Variants in CDIP1 observed in about 807,000 individuals in gnomAD.
The protein encoded by CDIP1 is cell death-inducing p53-target protein 1.
Under a neutral mutation model 17.7 loss-of-function variants are expected in CDIP1, and 9 were observed. The ratio of observed to expected loss-of-function variants is 0.51; its 90% confidence interval spans 0.31 to 0.89. The LOEUF (loss-of-function observed/expected upper bound fraction) is 0.89, where lower values mean the gene tolerates loss of function less well. CDIP1 is among the 40% of genes least tolerant of loss of function. The pLI is 0.05. For synonymous variants in CDIP1, 117 were observed against 109.5 expected, an observed-to-expected ratio of 1.07 and a Z score of -0.43; for missense variants, 263 against 277.9, an observed-to-expected ratio of 0.95 and a Z score of 0.38.
chr16:4,516,698 C>CTTTTTTTTT (rs767463500), intron 1 of CDIP1, among the ~76,000 whole-genome samples: 12 of 78,056 alleles, frequency 1.5e-4, no homozygotes, highest in Non-Finnish European at 2.0e-4. Context: ...GTTTTAAATC[C>CTTTTTTTTT]TTTTTTTTTT....
intron 1 of CDIP1, among the ~76,000 whole-genome samples, chr16:4,536,188 A>G (rs534882199): frequency 6.6e-6 from 1 of 152,124 alleles, no homozygotes; most frequent in Non-Finnish European, 1.5e-5. Flanking sequence ...ACATGTCCTT[A>G]CCCTTGGAAC....
intron 1 of CDIP1, among the ~76,000 whole-genome samples, chr16:4,532,023 A>G (rs895519337): frequency 7.9e-5 from 12 of 152,216 alleles, no homozygotes; most frequent in Non-Finnish European, 1.8e-4. Flanking sequence ...TAGGCAATTC[A>G]AGGACTTTAG....
In CDIP1 at chr16:4,523,469, G is replaced by A. The variant is rs547152114; in HGVS notation, c.-104-8805C>T. ...GCGGAGGTTGTAGTGAGCCAAGATC[G>A]CGCCACTGCACTCTAACCTGGCGAC... On this transcript the variant is annotated intron_variant, in intron 1 of 5. Coordinates refer to ENST00000567695, the MANE Select transcript of CDIP1 (RefSeq NM_013399.3). Among the ~76,000 whole-genome samples the A allele has an allele frequency of 6.8e-4, 104 of 152,154 alleles. 1 individual carries two copies. Among genetic ancestry groups the A allele is most frequent in the Non-Finnish European group, 1.1e-3 (74 of 67,998 alleles).
chr16:4,524,303 C>T (rs752601940), intron 1 of CDIP1: 1 of 152,292 alleles, frequency 6.6e-6, no homozygotes, highest in East Asian at 1.9e-4. Context: ...CCACATCACA[C>T]TGCAAAGGAA....
intron 1 of CDIP1, among the ~76,000 whole-genome samples, chr16:4,522,013 G>A (rs776241944): frequency 1.3e-5 from 2 of 152,212 alleles, no homozygotes; most frequent in Non-Finnish European, 2.9e-5. Context: ...CTCTGCCATG[G>A]AGTGCCTTCT....
chr16:4,536,803 C>T (rs1052843314), intron 1 of CDIP1: 1 of 146,644 alleles, frequency 6.8e-6, no homozygotes, highest in Non-Finnish European at 1.5e-5. Context: ...ATTAGCCGGG[C>T]ATGGTGGGGC....
chr16:4,512,976 GC>G lies in CDIP1; in HGVS notation c.329del (p.Gly110AlafsTer16). On this transcript the variant is annotated frameshift_variant, in exon 5 of 6. Coordinates refer to ENST00000567695, the MANE Select transcript of CDIP1 (RefSeq NM_013399.3). LOFTEE classifies it high-confidence loss of function. The surrounding 1 kb of genome is among the most constrained non-coding windows in gnomAD (Gnocchi z 4.6). ...AAGGGACCAGGACTGTGGCTGTGTG[GC>G]CCCCAGGGCCAGGGTAGGGCCCTGG... ...YTPGPYPGPG[G>X]HTATVLVPSG... The G allele has an allele frequency of 1.9e-6, 3 of 1,588,584 alleles. No individual in the cohort carries two copies. Among genetic ancestry groups the G allele is most frequent in the Non-Finnish European group, 2.6e-6 (3 of 1,168,742 alleles).
chr16:4,510,676 T>C lies in CDIP1; in HGVS notation c.*1896A>G, dbSNP rs1265720747. On this transcript the variant is annotated 3_prime_UTR_variant, in exon 6 of 6. Transcript: ENST00000567695. ...GTTTTAAAAAAGCACATATTTGTAT[T>C]TAAACAATTCATTCTCTAAAAGAGA... 1 of 152,180 alleles carries C rather than the reference T, an allele frequency of 6.6e-6. No homozygotes were observed. The highest frequency in any genetic ancestry group is 1.5e-5 in the Non-Finnish European group (1 of 68,036). 9.4% of individuals were successfully genotyped at this position (152,180 alleles called of 1,614,324 possible). A position where few individuals can be genotyped will look rare whatever the true frequency, so the allele number is the denominator to read the frequency against.
intron 1 of CDIP1, among the ~76,000 whole-genome samples, chr16:4,517,922 A>G (rs896750231): frequency 8.5e-5 from 13 of 152,170 alleles, no homozygotes; most frequent in African/African-American, 2.7e-4. Flanking sequence ...TTGAGTTGGA[A>G]TAAGTGCCAG....
In CDIP1 at chr16:4,514,174, A is replaced by G. The variant is rs889539802; in HGVS notation, c.-14-30T>C. 3.1e-6 allele frequency: 4 copies of G among 1,291,474 alleles called. No homozygotes were observed. The highest frequency in any genetic ancestry group is 4.2e-6 in the Non-Finnish European group (4 of 942,538). The allele number at this position is 1,291,474 out of a possible 1,614,324, so 80.0% of individuals were successfully genotyped here. On this transcript the variant is annotated intron_variant, in intron 2 of 5. Coordinates refer to ENST00000567695, the MANE Select transcript of CDIP1 (RefSeq NM_013399.3). This position sits in a 1 kb window ranked among gnomAD's most constrained non-coding sequence, Gnocchi z 5.2. The stretch of plus-strand genomic sequence containing the variant: ...ACATGGAGGGAAAACCCAGACATGA[A>G]CTAAGCTCCCAGCCAGGTTCCTTCT...
intron 1 of CDIP1, chr16:4,532,087 C>T (rs994560897): frequency 6.6e-6 from 1 of 152,226 alleles, no homozygotes; most frequent in Non-Finnish European, 1.5e-5. Flanking sequence ...TAGAACCTAA[C>T]CCACTGAATG....
chr16:4,537,709 G>A (rs951867347), intron 1 of CDIP1, among the ~76,000 whole-genome samples: 3 of 152,230 alleles, frequency 2.0e-5, no homozygotes, highest in East Asian at 3.8e-4. Flanking sequence ...TGGGCCCCAG[G>A]AATCTGCCCG....
chr16:4,522,326 C>T (rs2058959338), intron 1 of CDIP1: 1 of 152,342 alleles, frequency 6.6e-6, no homozygotes, highest in African/African-American at 2.4e-5. Flanking sequence ...CACCAATACA[C>T]CCTGGTGGCA....
intron 1 of CDIP1, among the ~76,000 whole-genome samples, chr16:4,529,356 G>T (rs1227527979): frequency 6.6e-6 from 1 of 152,192 alleles, no homozygotes; most frequent in African/African-American, 2.4e-5. Flanking sequence ...TAATAAAAAC[G>T]AGTGATAGAG....
intron 1 of CDIP1, among the ~76,000 whole-genome samples, chr16:4,528,554 C>T (rs540245334): frequency 3.2e-4 from 48 of 152,078 alleles, no homozygotes; most frequent in Non-Finnish European, 6.2e-4. Flanking sequence ...CAGTGGCTCA[C>T]GCCTATAATC....
At chr16:4,524,543 G>T (rs961137341) in intron 1 of CDIP1, among the ~76,000 whole-genome samples, 1 of 152,086 alleles carries the variant, frequency 6.6e-6, no homozygotes, top group Non-Finnish European at 1.5e-5. Context: ...AGGCATTCAG[G>T]GCAAGCCGAC....
At chr16:4,523,271 T>G (rs548842100) in intron 1 of CDIP1, among the ~76,000 whole-genome samples, 2 of 152,262 alleles carry the variant, frequency 1.3e-5, no homozygotes, top group East Asian at 1.9e-4. Flanking sequence ...ATCCCAGCAC[T>G]TTGGGAGGCT....
intron 1 of CDIP1, among the ~76,000 whole-genome samples, chr16:4,518,324 G>GT (rs1159141025): frequency 2.0e-5 from 3 of 152,264 alleles, no homozygotes; most frequent in African/African-American, 7.2e-5. Flanking sequence ...ATGATAGGGT[G>GT]TAAGCCCACA....
Position 4,511,724 on chromosome 16 carries a change from A to C in CDIP1, c.*848T>G, listed in dbSNP as rs2058831910. 6.6e-6 allele frequency: 1 copy of C among 152,358 alleles called. No homozygotes were observed. Among genetic ancestry groups the C allele is most frequent in the Non-Finnish European group, 1.5e-5 (1 of 68,174 alleles). 9.4% of individuals were successfully genotyped at this position (152,358 alleles called of 1,614,324 possible). ...CTTGCCCAGTTGGGATACACCAGCC[A>C]CCAGGCAGAGGTCATACCCACACGC... is the stretch of plus-strand genomic sequence containing the variant. On this transcript the variant is annotated 3_prime_UTR_variant, in exon 6 of 6. Coordinates refer to ENST00000567695, the MANE Select transcript of CDIP1 (RefSeq NM_013399.3).
Sources: allele counts gnomAD v4.1 joint callset (sites outside exome capture counted in the v4.1 genomes callset), GRCh38; gene constraint gnomAD v4.1.1; non-coding constraint Gnocchi (gnomAD v3.1); transcripts MANE v1.5; gene names NCBI Gene and HGNC (gene_info 2026-07-23, HGNC 2026-07-21).